Variants in FRYL observed in about 807,000 individuals in gnomAD.
The protein encoded by FRYL is FRY like transcription coactivator, also known as protein furry homolog-like.
FRYL carries 150 observed loss-of-function variants against 351.2 expected under a neutral mutation model. The observed-to-expected ratio is 0.43, with a 90% confidence interval of 0.37 to 0.49. The LOEUF is 0.49. Among genes scored for constraint, FRYL ranks in the 20% least tolerant of loss-of-function variants. The pLI is 0.00. For missense variants in FRYL, 3,036 were observed against 3,619.3 expected (o/e 0.84, Z 4.13); for synonymous variants, 1,153 against 1,257.1 (o/e 0.92, Z 1.75).
chr4:48,527,820 C>A, intron 52 of FRYL, 151 bp downstream of exon 52: 1 of 900,532 alleles, frequency 1.1e-6, no homozygotes, highest in Non-Finnish European at 1.7e-6. Context: ...GCATGGCTGC[C>A]AGGTGTCACA....
In FRYL at chr4:48,505,535, C is replaced by A; in HGVS notation, c.8463+12G>T. 1.3e-6 allele frequency: 2 copies of A among 1,569,858 alleles called. No homozygotes were observed. Among genetic ancestry groups the A allele is most frequent in the East Asian group, 2.2e-5 (1 of 44,548 alleles). On this transcript the variant is annotated intron_variant, in intron 60 of 63. Coordinates refer to ENST00000358350, the MANE Select transcript of FRYL (RefSeq NM_015030.2). ...AAAATGTATGTTGCAAAAACAGGAA[C>A]AAGAAACTTACTTGTGCATCTGTGT... is the stretch of plus-strand genomic sequence containing the variant.
intron 3 of FRYL, chr4:48,681,272 C>T: frequency 4.2e-6 from 1 of 239,916 alleles, no homozygotes; most frequent in Non-Finnish European, 8.1e-6. Context: ...CCCAGTCAGT[C>T]AATTGCCAGC....
chr4:48,652,099 G>A (rs915639584), intron 3 of FRYL, among the ~76,000 whole-genome samples: 6 of 152,186 alleles, frequency 3.9e-5, no homozygotes, highest in African/African-American at 1.4e-4. Context: ...TGGATTCAAG[G>A]AGTATGATTA....
chr4:48,761,662 T>C (rs1774434225), intron 1 of FRYL, among the ~76,000 whole-genome samples: 1 of 152,166 alleles, frequency 6.6e-6, no homozygotes. Flanking sequence ...TACAAGAAAG[T>C]ATCTAAACAT....
intron 6 of FRYL, among the ~76,000 whole-genome samples, chr4:48,620,273 C>A (rs1173386046): frequency 6.6e-6 from 1 of 152,192 alleles, no homozygotes; most frequent in Non-Finnish European, 1.5e-5. Flanking sequence ...TCCTGTATTA[C>A]AATAATTGCC....
chr4:48,686,384 C>T (rs1765153933), intron 2 of FRYL, among the ~76,000 whole-genome samples: 1 of 152,044 alleles, frequency 6.6e-6, no homozygotes, highest in Non-Finnish European at 1.5e-5. Flanking sequence ...TTCAAACTTA[C>T]TGGAATTTTT....
chr4:48,645,548 C>G (rs1394194041), intron 3 of FRYL, among the ~76,000 whole-genome samples: 1 of 152,156 alleles, frequency 6.6e-6, no homozygotes, highest in African/African-American at 2.4e-5. Context: ...CATATATACT[C>G]TCAGCATTCT....
At position 48,567,507 on chromosome 4, in the gene FRYL, T is replaced by TA; in HGVS notation, c.2997-88dup. ...TTCTTAATACTCAAAATCAGAATAATACATGTTAATTTTGCATGCTCATGG... is the reference window on the plus strand; with the variant it reads ...TTCTTAATACTCAAAATCAGAATAATAACATGTTAATTTTGCATGCTCATGG... On this transcript the variant is annotated intron_variant, in intron 27 of 63. Transcript: ENST00000358350. This position sits in a 1 kb window ranked among gnomAD's most constrained non-coding sequence, Gnocchi z 4.2. 1.0e-6 allele frequency: 1 copy of TA among 953,312 alleles called. No individual in the cohort carries two copies. The highest frequency in any genetic ancestry group is 1.5e-6 in the Non-Finnish European group (1 of 662,802). The allele number at this position is 953,312 out of a possible 1,614,324, so 59.1% of individuals were successfully genotyped here. A position where few individuals can be genotyped will look rare whatever the true frequency, so the allele number is the denominator to read the frequency against.
intron 14 of FRYL, 74 bp downstream of exon 14, chr4:48,595,823 C>T: frequency 8.7e-7 from 1 of 1,148,500 alleles, no homozygotes; most frequent in East Asian, 2.5e-5. Flanking sequence ...ATAATGTTTA[C>T]TAAAATTCCC....
In FRYL at chr4:48,540,077, AC is replaced by A; in HGVS notation, c.6296-10del. 1.3e-6 allele frequency: 2 copies of A among 1,599,232 alleles called. No individual in the cohort carries two copies. The highest frequency in any genetic ancestry group is 1.7e-6 in the Non-Finnish European group (2 of 1,172,850). On this transcript the variant is annotated splice_polypyrimidine_tract_variant and intron_variant, in intron 46 of 63. Coordinates refer to ENST00000358350, the MANE Select transcript of FRYL (RefSeq NM_015030.2). ...GATGTTAAGAGGAAAGCCTATCAAA[AC>A]AAAAAAAAGCAAACAATAACCAATT... is the stretch of plus-strand genomic sequence containing the variant.
At chr4:48,643,556 C>T (rs1755743855) in intron 3 of FRYL, among the ~76,000 whole-genome samples, 2 of 152,066 alleles carry the variant, frequency 1.3e-5, no homozygotes, top group Non-Finnish European at 2.9e-5. Flanking sequence ...CAAAACAAAC[C>T]TATTTCGATT....
intron 19 of FRYL, among the ~76,000 whole-genome samples, chr4:48,584,881 GAGAAT>G (rs1741765444): frequency 1.3e-5 from 2 of 152,196 alleles, no homozygotes; most frequent in Non-Finnish European, 2.9e-5. Context: ...GAAGAGAGGA[GAGAAT>G]AGAATAGACC....
chr4:48,688,676 T>C (rs1351035352), intron 2 of FRYL, among the ~76,000 whole-genome samples: 1 of 147,338 alleles, frequency 6.8e-6, no homozygotes, highest in Non-Finnish European at 1.5e-5. Context: ...TTTTTTTTTT[T>C]TTTTTGAGAT....
intron 62 of FRYL, among the ~76,000 whole-genome samples, chr4:48,500,920 C>T (rs555938343): frequency 6.6e-6 from 1 of 152,052 alleles, no homozygotes; most frequent in African/African-American, 2.4e-5. Flanking sequence ...CCCGTCTCTA[C>T]TAAAAATACA....
At chr4:48,664,701 T>C (rs1291037335) in intron 3 of FRYL, among the ~76,000 whole-genome samples, 1 of 152,210 alleles carries the variant, frequency 6.6e-6, no homozygotes, top group Non-Finnish European at 1.5e-5. Context: ...TGTTTATTTA[T>C]GAAGGGGAAA....
intron 3 of FRYL, among the ~76,000 whole-genome samples, chr4:48,664,039 T>C (rs1210895736): frequency 1.3e-5 from 2 of 152,152 alleles, no homozygotes; most frequent in Non-Finnish European, 2.9e-5. Flanking sequence ...GTGGGTATTC[T>C]TCTGAAGAAT....
At chr4:48,593,777 G>A (rs956434914) in intron 16 of FRYL, among the ~76,000 whole-genome samples, 153 bp downstream of exon 16, 9 of 151,846 alleles carry the variant, frequency 5.9e-5, no homozygotes, top group African/African-American at 1.7e-4. Flanking sequence ...TAAACCATTC[G>A]GCCAGCTATT....
intron 13 of FRYL, among the ~76,000 whole-genome samples, chr4:48,599,827 G>C (rs1745341155): frequency 6.6e-6 from 1 of 152,182 alleles, no homozygotes; most frequent in Admixed American, 6.5e-5. Context: ...ATGGGTCTAG[G>C]CTGGGAGCAG....
At chr4:48,586,489 A>G (rs1426564124) in intron 19 of FRYL, 132 bp downstream of exon 19, 4 of 515,772 alleles carry the variant, frequency 7.8e-6, no homozygotes, top group Non-Finnish European at 1.3e-5. Context: ...GGAAGTTTAG[A>G]AAGTAAATCA....
Sources: gnomAD v4.1 joint callset for allele counts (sites outside exome capture counted in the v4.1 genomes callset) on GRCh38, gnomAD v4.1.1 for gene constraint, Gnocchi (gnomAD v3.1) non-coding constraint, MANE v1.5 for transcripts, NCBI Gene and HGNC (gene_info 2026-07-23, HGNC 2026-07-21) for gene names.